The following LYN variants were observed in gnomAD, a reference collection of about 807,000 sequenced individuals.
The protein encoded by LYN is LYN proto-oncogene, Src family tyrosine kinase, also known as tyrosine-protein kinase Lyn.
LYN carries 12 observed loss-of-function variants against 65.0 expected under a neutral mutation model. The ratio of observed to expected loss-of-function variants is 0.18; its 90% CI spans 0.12 to 0.30. The LOEUF (loss-of-function observed/expected upper bound fraction) is 0.30. Ranked by LOEUF, LYN falls within the 10% of genes least tolerant of loss-of-function variation. LYN has a pLI of 1.00. For synonymous variants in LYN, 222 were observed against 221.2 expected, an observed-to-expected ratio of 1.00 and a Z score of -0.03; for missense variants, 380 against 623.2, an observed-to-expected ratio of 0.61 and a Z score of 4.16.
At chr8:55,973,263 C>G (rs1271597610) in intron 10 of LYN, among the ~76,000 whole-genome samples, 1 of 152,202 alleles carries the variant, frequency 6.6e-6, no homozygotes, top group East Asian at 1.9e-4. Flanking sequence ...TCATCACTTC[C>G]TGTCTCAGAA....
chr8:55,988,477 A>C (rs941638056), intron 10 of LYN, among the ~76,000 whole-genome samples: 4 of 152,086 alleles, frequency 2.6e-5, no homozygotes, highest in Non-Finnish European at 5.9e-5. Flanking sequence ...CCAACTTATT[A>C]ATATTGTTAT....
chr8:55,910,840 A>T (rs1805577618), intron 1 of LYN, among the ~76,000 whole-genome samples: 2 of 146,730 alleles, frequency 1.4e-5, no homozygotes, highest in South Asian at 4.3e-4. Flanking sequence ...GGTTTGTGGC[A>T]CCTCTGCTTT....
intron 1 of LYN, among the ~76,000 whole-genome samples, chr8:55,884,167 T>C (rs187519045): frequency 6.6e-6 from 1 of 152,302 alleles, no homozygotes; most frequent in East Asian, 1.9e-4. Flanking sequence ...TGGTGCAATC[T>C]CAGCTCACGG....
At chr8:55,907,057 C>G (rs1039502982) in intron 1 of LYN, among the ~76,000 whole-genome samples, 2 of 152,172 alleles carry the variant, frequency 1.3e-5, no homozygotes, top group Non-Finnish European at 2.9e-5. Flanking sequence ...ACATCTACCT[C>G]ATGACCAAGG....
At chr8:55,983,885 G>A (rs555507559) in intron 10 of LYN, among the ~76,000 whole-genome samples, 4 of 152,244 alleles carry the variant, frequency 2.6e-5, no homozygotes, top group Middle Eastern at 3.4e-3. Context: ...CTGTCAGGGC[G>A]CTTAAAACAA....
intron 1 of LYN, among the ~76,000 whole-genome samples, chr8:55,931,113 G>A (rs1031814137): frequency 1.4e-5 from 2 of 147,022 alleles, no homozygotes; most frequent in African/African-American, 4.9e-5. Context: ...TATATAACTT[G>A]TATATGTTAC....
chr8:55,879,985 G>C lies in LYN; in HGVS notation c.-124G>C, dbSNP rs1413000540. ...CCAGCAGCCCCTCGCCGCGCGTCCA[G>C]CGTTCCCGGCCAGCAGCCTCCCCAT... is the stretch of plus-strand genomic sequence containing the variant. On this transcript the variant is annotated 5_prime_UTR_variant, in exon 1 of 13. Transcript: ENST00000519728. The C allele has an allele frequency of 3.6e-6, 1 of 277,118 alleles. No individual in the cohort carries two copies. Among genetic ancestry groups the C allele is most frequent in the Admixed American group, 4.1e-5 (1 of 24,660 alleles). The allele number at this position is 277,118 out of a possible 1,614,324, so 17.2% of individuals were successfully genotyped here. A position where few individuals can be genotyped will look rare whatever the true frequency, so the allele number is the denominator to read the frequency against.
intron 6 of LYN, among the ~76,000 whole-genome samples, chr8:55,951,103 C>A (rs1429059171): frequency 6.6e-6 from 1 of 151,540 alleles, no homozygotes; most frequent in Non-Finnish European, 1.5e-5. Flanking sequence ...CTTAGCCAGG[C>A]CTGGCAGCAC....
chr8:55,936,198 A>C (rs973974188), intron 1 of LYN, among the ~76,000 whole-genome samples: 1 of 152,178 alleles, frequency 6.6e-6, no homozygotes, highest in Non-Finnish European at 1.5e-5. Flanking sequence ...ACTCAAGATC[A>C]CTTTTGTTTC....
chr8:55,967,735 T>C (rs1807503861), intron 9 of LYN, among the ~76,000 whole-genome samples: 1 of 152,250 alleles, frequency 6.6e-6, no homozygotes, highest in Non-Finnish European at 1.5e-5. Flanking sequence ...TATGTAATCA[T>C]AGAATTGCTG....
At chr8:55,880,908 C>T (rs1386615258) in intron 1 of LYN, among the ~76,000 whole-genome samples, 1 of 152,204 alleles carries the variant, frequency 6.6e-6, no homozygotes, top group Non-Finnish European at 1.5e-5. Flanking sequence ...CAACAGCCTG[C>T]CTGTCATGTG....
chr8:55,950,524 A>G lies in LYN; in HGVS notation c.350A>G (p.Tyr117Cys), dbSNP rs1806911431. ...AAAGAAGGCTTCATCCCCAGCAACT[A>G]TGTGGCCAAACTCAACACCTTAGAA... ...TKKEGFIPSN[Y>C]VAKLNTLETE... Residue 117 changes from tyrosine to cysteine, a missense_variant, in exon 5 of 13, where the codon TAT becomes TGT. Physicochemically the swap from Tyr to Cys is radical, Grantham distance 194. This residue lies in a region of LYN where 157 missense variants were observed against 193.2 expected (regional missense o/e 0.81). Transcript: ENST00000519728. The G allele has an allele frequency of 6.2e-7, 1 of 1,613,908 alleles. No individual in the cohort carries two copies. The highest frequency in any genetic ancestry group is 8.5e-7 in the Non-Finnish European group (1 of 1,179,960).
intron 12 of LYN, among the ~76,000 whole-genome samples, chr8:56,006,596 T>G (rs1275135664): frequency 6.6e-6 from 1 of 152,194 alleles, no homozygotes; most frequent in Non-Finnish European, 1.5e-5. Context: ...ACCACCTCCT[T>G]CTGGTGAGGG....
intron 2 of LYN, among the ~76,000 whole-genome samples, chr8:55,944,099 G>T (rs907465342): frequency 1.3e-5 from 2 of 152,000 alleles, no homozygotes; most frequent in African/African-American, 4.8e-5. Flanking sequence ...AAAAAAGGAA[G>T]TGGAGATAAA....
chr8:55,921,398 G>A (rs762600816), intron 1 of LYN, among the ~76,000 whole-genome samples: 12 of 152,178 alleles, frequency 7.9e-5, no homozygotes, highest in South Asian at 4.1e-4. Context: ...AGCTATACAC[G>A]TACTAACTGA....
intron 10 of LYN, among the ~76,000 whole-genome samples, chr8:55,986,828 C>T (rs1449427288): frequency 6.6e-6 from 1 of 152,158 alleles, no homozygotes; most frequent in Non-Finnish European, 1.5e-5. Flanking sequence ...TAGGCTCAAG[C>T]GATCCTCCTG....
intron 12 of LYN, among the ~76,000 whole-genome samples, chr8:56,004,696 A>C (rs1331344570): frequency 6.6e-6 from 1 of 152,202 alleles, no homozygotes; most frequent in Non-Finnish European, 1.5e-5. Context: ...TGCTGCATAT[A>C]GTTCTAAATA....
chr8:55,962,096 G>A (rs926934212), intron 8 of LYN, among the ~76,000 whole-genome samples: 1 of 152,232 alleles, frequency 6.6e-6, no homozygotes, highest in African/African-American at 2.4e-5. Context: ...TTGGTGAGAG[G>A]CATCCATGCT....
At chr8:55,974,597 T>C (rs575137572) in intron 10 of LYN, among the ~76,000 whole-genome samples, 2 of 152,268 alleles carry the variant, frequency 1.3e-5, no homozygotes, top group Non-Finnish European at 2.9e-5. Context: ...CTCACCAGTA[T>C]GTTGGTCGTA....
Sources: gnomAD v4.1 joint callset for allele counts (sites outside exome capture counted in the v4.1 genomes callset) on GRCh38, gnomAD v4.1.1 for gene constraint, gnomAD v4.1.1 regional missense constraint, MANE v1.5 for transcripts, NCBI Gene and HGNC (gene_info 2026-07-23, HGNC 2026-07-21) for gene names.